Variants in LHFPL3 observed in about 807,000 individuals in gnomAD.
The protein encoded by LHFPL3 is LHFPL tetraspan subfamily member 3, also known as LHFPL tetraspan subfamily member 3 protein.
LHFPL3 carries 5 observed loss-of-function variants against 19.3 expected under a neutral mutation model. The ratio of observed to expected loss-of-function variants is 0.26; its 90% CI spans 0.14 to 0.54. The LOEUF is 0.54. Among genes scored for constraint, LHFPL3 ranks in the 20% least tolerant of loss-of-function variants. The pLI, the probability that LHFPL3 is intolerant of heterozygous loss-of-function variation, is 0.94. For missense variants in LHFPL3, 249 were observed against 307.4 expected (o/e 0.81, Z 1.42); for synonymous variants, 133 against 126.2 (o/e 1.05, Z -0.36).
At chr7:104,636,789 T>C (rs1276588453) in intron 1 of LHFPL3, among the ~76,000 whole-genome samples, 1 of 152,234 alleles carries the variant, frequency 6.6e-6, no homozygotes, top group Non-Finnish European at 1.5e-5. Flanking sequence ...CTACCACTGA[T>C]GGATGTTTAG....
intron 1 of LHFPL3, among the ~76,000 whole-genome samples, chr7:104,470,567 G>T (rs966592195): frequency 1.8e-4 from 28 of 152,174 alleles, no homozygotes; most frequent in African/African-American, 6.8e-4. Context: ...CTGTGCAAAC[G>T]CTGACAGCTC....
chr7:104,464,015 G>A (rs1242735120), intron 1 of LHFPL3, among the ~76,000 whole-genome samples: 3 of 152,186 alleles, frequency 2.0e-5, no homozygotes, highest in Non-Finnish European at 4.4e-5. Flanking sequence ...CTATGAGCCT[G>A]TAAAATCAAA....
At chr7:104,665,261 T>C (rs1226392301) in intron 1 of LHFPL3, among the ~76,000 whole-genome samples, 1 of 152,220 alleles carries the variant, frequency 6.6e-6, no homozygotes, top group African/African-American at 2.4e-5. Context: ...TATCTATAAT[T>C]ACTTCTTGGC....
chr7:104,421,151 G>A (rs988161097), intron 1 of LHFPL3, among the ~76,000 whole-genome samples: 2 of 152,196 alleles, frequency 1.3e-5, no homozygotes, highest in Non-Finnish European at 2.9e-5. Context: ...GATCCTGGAG[G>A]TGTTGAGAAA....
chr7:104,773,640 A>G (rs185366835), intron 2 of LHFPL3, among the ~76,000 whole-genome samples: 238 of 152,328 alleles, frequency 1.6e-3, no homozygotes, highest in South Asian at 2.5e-3. Flanking sequence ...ATTAGTTAAG[A>G]TGCAGTCACA....
chr7:104,632,160 CT>C (rs773132605), intron 1 of LHFPL3, among the ~76,000 whole-genome samples: 91 of 152,282 alleles, frequency 6.0e-4, no homozygotes, highest in Non-Finnish European at 4.0e-4. Context: ...TTAGCCTATC[CT>C]TTAAATCATT....
chr7:104,565,346 A>AT (rs1218842661), intron 1 of LHFPL3, among the ~76,000 whole-genome samples: 1 of 152,246 alleles, frequency 6.6e-6, no homozygotes, highest in Admixed American at 6.5e-5. Context: ...TAAATAGTAC[A>AT]TTTAAGATGC....
At chr7:104,388,256 A>G (rs1210880225) in intron 1 of LHFPL3, among the ~76,000 whole-genome samples, 1 of 152,186 alleles carries the variant, frequency 6.6e-6, no homozygotes, top group Non-Finnish European at 1.5e-5. Context: ...ATACACATGC[A>G]TATGTCTTTA....
chr7:104,390,035 CT>C (rs1334867152), intron 1 of LHFPL3, among the ~76,000 whole-genome samples: 1 of 151,496 alleles, frequency 6.6e-6, no homozygotes, highest in African/African-American at 2.4e-5. Flanking sequence ...AAAATTAAAA[CT>C]TTTTGTGCAT....
At chr7:104,368,966 A>G (rs1407889371) in intron 1 of LHFPL3, among the ~76,000 whole-genome samples, 1 of 152,196 alleles carries the variant, frequency 6.6e-6, no homozygotes, top group Non-Finnish European at 1.5e-5. Flanking sequence ...CATCTTCTAT[A>G]AACTTATTTT....
intron 2 of LHFPL3, among the ~76,000 whole-genome samples, chr7:104,806,380 C>G (rs543687340): frequency 6.6e-6 from 1 of 152,064 alleles, no homozygotes; most frequent in Non-Finnish European, 1.5e-5. Context: ...TTCTAGAAAC[C>G]CTTAAACTGT....
chr7:104,566,368 CCTT>C (rs1161740382), intron 1 of LHFPL3, among the ~76,000 whole-genome samples: 10 of 152,072 alleles, frequency 6.6e-5, no homozygotes, highest in Admixed American at 2.6e-4. Context: ...CAAAAACTCA[CCTT>C]CTTCCTACAC....
intron 2 of LHFPL3, among the ~76,000 whole-genome samples, chr7:104,865,194 C>G (rs968688702): frequency 2.0e-5 from 3 of 152,180 alleles, no homozygotes; most frequent in Non-Finnish European, 4.4e-5. Flanking sequence ...GAATGCAGCT[C>G]CTCACCAGCA....
At chr7:104,462,830 G>T (rs1362071648) in intron 1 of LHFPL3, among the ~76,000 whole-genome samples, 2 of 152,190 alleles carry the variant, frequency 1.3e-5, no homozygotes, top group African/African-American at 4.8e-5. Context: ...GCTCTAATTT[G>T]TACATCTACT....
chr7:104,867,281 A>T (rs1791744494), intron 2 of LHFPL3, among the ~76,000 whole-genome samples: 1 of 152,196 alleles, frequency 6.6e-6, no homozygotes, highest in Admixed American at 6.5e-5. Flanking sequence ...AAATCAATGA[A>T]TCCAGGAGCT....
chr7:104,739,659 T>C (rs1793895846), intron 2 of LHFPL3, among the ~76,000 whole-genome samples: 1 of 152,202 alleles, frequency 6.6e-6, no homozygotes, highest in South Asian at 2.1e-4. Flanking sequence ...ACTACTGAGA[T>C]GTACAATGGT....
chr7:104,501,746 A>G (rs988887448), intron 1 of LHFPL3, among the ~76,000 whole-genome samples: 10 of 152,226 alleles, frequency 6.6e-5, no homozygotes, highest in Non-Finnish European at 1.2e-4. Context: ...AGTTTGAAAG[A>G]AAGTTCTAGA....
chr7:104,429,048 C>T (rs1188129696), intron 1 of LHFPL3, among the ~76,000 whole-genome samples: 1 of 152,004 alleles, frequency 6.6e-6, no homozygotes, highest in African/African-American at 2.4e-5. Context: ...ATCTGAAAAA[C>T]ATAATAAAGT....
intron 1 of LHFPL3, among the ~76,000 whole-genome samples, chr7:104,367,584 C>T (rs1239742425): frequency 6.6e-6 from 1 of 152,124 alleles, no homozygotes; most frequent in Non-Finnish European, 1.5e-5. Flanking sequence ...GAAAAACTGG[C>T]TTGTTGATGA....
Sources: allele counts gnomAD v4.1 joint callset (sites outside exome capture counted in the v4.1 genomes callset), GRCh38; gene constraint gnomAD v4.1.1; transcripts MANE v1.5; gene names NCBI Gene and HGNC (gene_info 2026-07-23, HGNC 2026-07-21).